SLC30A7: variants seen among roughly 807,000 people sequenced by gnomAD.
SLC30A7 encodes the protein solute carrier family 30 member 7, also known as zinc transporter 7.
In SLC30A7, 35 loss-of-function variants were observed where a neutral mutation model predicts 46.0. The observed-to-expected ratio is 0.76, with a 90% confidence interval of 0.58 to 1.01. The LOEUF (loss-of-function observed/expected upper bound fraction) is 1.01. SLC30A7 is among the 50% of genes least tolerant of loss of function. The pLI is 0.00. For missense variants in SLC30A7, 464 were observed against 451.1 expected (o/e 1.03, Z -0.26); for synonymous variants, 147 against 157.8 (o/e 0.93, Z 0.51).
Position 100,976,517 on chromosome 1 carries a change from G to A in SLC30A7, c.*1660G>A, listed in dbSNP as rs901204198. 5.9e-5 allele frequency: 9 copies of A among 152,074 alleles called. No homozygotes were observed. Among genetic ancestry groups the A allele is most frequent in the Non-Finnish European group, 1.2e-4 (8 of 68,018 alleles). The allele number at this position is 152,074 out of a possible 1,614,324, so 9.4% of individuals were successfully genotyped here. ...ATAAGTGCTTGAGCACTCTACTTAA[G>A]TATTCTCTGTGTTTTATGAAGAGAA... On this transcript the variant is annotated 3_prime_UTR_variant, in exon 11 of 11. Coordinates refer to ENST00000357650, the MANE Select transcript of SLC30A7 (RefSeq NM_133496.5).
At chr1:100,939,863 A>G (rs1428903874) in intron 8 of SLC30A7, among the ~76,000 whole-genome samples, 2 of 151,452 alleles carry the variant, frequency 1.3e-5, no homozygotes, top group Admixed American at 6.6e-5. Context: ...AAAAAAAAAC[A>G]GCAACATGTC....
At chr1:100,939,382 T>G (rs891174754) in intron 8 of SLC30A7, among the ~76,000 whole-genome samples, 1 of 152,082 alleles carries the variant, frequency 6.6e-6, no homozygotes, top group Non-Finnish European at 1.5e-5. Context: ...ATAAACAAAT[T>G]CCAACTGAAT....
rs1654283927 is a variant in SLC30A7, at chr1:100,940,664, T to TAAAATC, written c.842+18823_842+18824insAAAATC. On this transcript the variant is annotated intron_variant, in intron 8 of 10. Coordinates refer to ENST00000357650, the MANE Select transcript of SLC30A7 (RefSeq NM_133496.5). ...ATACAAATTTAATGTGATTAATTAA[T>TAAAATC]TTATTTTTAAAGACACATTCAGTGT... Among the ~76,000 whole-genome samples the TAAAATC allele has an allele frequency of 2.0e-5, 3 of 152,340 alleles. No homozygotes were observed. In the South Asian group the frequency reaches 6.2e-4, roughly 32 times the overall value.
At chr1:100,948,104 G>C (rs1182436250) in intron 8 of SLC30A7, among the ~76,000 whole-genome samples, 1 of 152,110 alleles carries the variant, frequency 6.6e-6, no homozygotes, top group Non-Finnish European at 1.5e-5. Context: ...ATGTTAGCTG[G>C]TTATTTTGCC....
chr1:100,934,048 C>T (rs1431954627), intron 8 of SLC30A7, among the ~76,000 whole-genome samples: 15 of 152,188 alleles, frequency 9.9e-5, no homozygotes, highest in Admixed American at 9.8e-4. Flanking sequence ...TCTTGTTCAG[C>T]TCTGTATCAT....
intron 8 of SLC30A7, 109 bp downstream of exon 8, chr1:100,921,950 CTTTT>C (rs11166531): frequency 7.5e-3 from 2,965 of 393,924 alleles, no homozygotes; most frequent in East Asian, 0.01. Context: ...CCTTTGCTTG[CTTTT>C]TTTTTTTTTT....
intron 8 of SLC30A7, chr1:100,941,433 C>T (rs564570306): frequency 2.4e-4 from 101 of 420,756 alleles, no homozygotes; most frequent in African/African-American, 2.0e-3. Context: ...TTTGACACAG[C>T]TTCCCTAATT....
At chr1:100,897,496 A>C (rs1024084655) in intron 2 of SLC30A7, among the ~76,000 whole-genome samples, 1 of 152,206 alleles carries the variant, frequency 6.6e-6, no homozygotes, top group Non-Finnish European at 1.5e-5. Context: ...AGAATTGTAC[A>C]TAAAGCTTCA....
At chr1:100,922,067 C>T (rs1031178550) in intron 8 of SLC30A7, among the ~76,000 whole-genome samples, 29 of 150,772 alleles carry the variant, frequency 1.9e-4, no homozygotes, top group Middle Eastern at 3.2e-3. Flanking sequence ...AATTCTCCTG[C>T]GTCAGCCTCT....
chr1:100,971,017 T>G (rs1479873716), intron 10 of SLC30A7, among the ~76,000 whole-genome samples: 1 of 152,134 alleles, frequency 6.6e-6, no homozygotes, highest in East Asian at 1.9e-4. Flanking sequence ...TCTACTCTTT[T>G]GCCTTTCTCA....
At chr1:100,943,066 A>T (rs1654444307) in intron 8 of SLC30A7, among the ~76,000 whole-genome samples, 1 of 152,202 alleles carries the variant, frequency 6.6e-6, no homozygotes, top group Non-Finnish European at 1.5e-5. Flanking sequence ...ATTTTCACAC[A>T]ATCAGTTCTC....
At chr1:100,923,217 C>T (rs1653066809) in intron 8 of SLC30A7, among the ~76,000 whole-genome samples, 2 of 109,432 alleles carry the variant, frequency 1.8e-5, no homozygotes, top group South Asian at 2.7e-4. Context: ...GGGGTTTCAC[C>T]GTGTTAGCCA....
At chr1:100,948,154 T>C (rs1431690777) in intron 8 of SLC30A7, among the ~76,000 whole-genome samples, 1 of 152,228 alleles carries the variant, frequency 6.6e-6, no homozygotes, top group Non-Finnish European at 1.5e-5. Flanking sequence ...CGATGGTCTT[T>C]ACAATTTGGC....
intron 8 of SLC30A7, among the ~76,000 whole-genome samples, chr1:100,947,986 T>C (rs1160652930): frequency 6.6e-6 from 1 of 152,184 alleles, no homozygotes; most frequent in Non-Finnish European, 1.5e-5. Context: ...CACTGATGGG[T>C]CTTGACTCTT....
chr1:100,988,857 A>C, the SLC30A7 span, among the ~76,000 whole-genome samples: 3 of 151,978 alleles, frequency 2.0e-5, no homozygotes, highest in Non-Finnish European at 1.5e-5. Context: ...CTCAAAAATA[A>C]ATAAATAAAT....
chr1:100,901,812 A>T (rs1364069241), intron 2 of SLC30A7, among the ~76,000 whole-genome samples: 5 of 152,194 alleles, frequency 3.3e-5, no homozygotes, highest in African/African-American at 4.8e-5. Flanking sequence ...TTTTAGAGAA[A>T]CTAGCAGTGC....
intron 8 of SLC30A7, among the ~76,000 whole-genome samples, chr1:100,933,647 A>T (rs1012430778): frequency 6.6e-6 from 1 of 151,994 alleles, no homozygotes; most frequent in Non-Finnish European, 1.5e-5. Flanking sequence ...GTCCCCACCT[A>T]TGAGTGAGAA....
At chr1:100,916,725 T>C (rs1652580345) in intron 6 of SLC30A7, among the ~76,000 whole-genome samples, 1 of 130,128 alleles carries the variant, frequency 7.7e-6, no homozygotes, top group Non-Finnish European at 1.7e-5. Flanking sequence ...TTTTTTTTTT[T>C]TGTACCCATT....
intron 8 of SLC30A7, among the ~76,000 whole-genome samples, chr1:100,943,565 T>A (rs1281375597): frequency 6.6e-6 from 1 of 151,210 alleles, no homozygotes; most frequent in Non-Finnish European, 1.5e-5. Flanking sequence ...ATCTTTCTAA[T>A]CATGCCTTGA....
Sources: allele counts gnomAD v4.1 joint callset (sites outside exome capture counted in the v4.1 genomes callset), GRCh38; gene constraint gnomAD v4.1.1; transcripts MANE v1.5; gene names NCBI Gene and HGNC (gene_info 2026-07-23, HGNC 2026-07-21).